CHD9: variants seen among roughly 807,000 people sequenced by gnomAD.
The protein encoded by CHD9 is ATP-dependent chromatin remodeler CHD9.
A neutral mutation model predicts 316.1 loss-of-function variants in CHD9; 77 were observed. That is an observed-to-expected ratio of 0.24 (90% CI 0.20 to 0.29). The LOEUF (loss-of-function observed/expected upper bound fraction) is 0.29. CHD9 is among the 10% of genes least tolerant of loss of function. The pLI is 1.00. For synonymous variants in CHD9, 1,129 were observed against 1,158.3 expected (o/e 0.97, Z 0.51); for missense variants, 2,763 against 3,438.1 (o/e 0.80, Z 4.91).
intron 2 of CHD9, among the ~76,000 whole-genome samples, chr16:53,166,242 T>C (rs1180453002): frequency 1.3e-5 from 2 of 152,180 alleles, no homozygotes; most frequent in Non-Finnish European, 2.9e-5. Flanking sequence ...TTGTACTGCC[T>C]GTCAGGAATC....
intron 24 of CHD9, among the ~76,000 whole-genome samples, chr16:53,277,056 G>A (rs1018261651): frequency 1.3e-5 from 2 of 152,038 alleles, no homozygotes; most frequent in Non-Finnish European, 1.5e-5. Context: ...CTTAAATCAG[G>A]AAGAATTAGA....
intron 2 of CHD9, among the ~76,000 whole-genome samples, chr16:53,181,103 C>A (rs898392981): frequency 1.3e-5 from 2 of 151,556 alleles, no homozygotes; most frequent in African/African-American, 4.9e-5. Flanking sequence ...CTCTGCCTTC[C>A]GGGTTCAAGC....
chr16:53,308,930 T>C, intron 34 of CHD9, 76 bp downstream of exon 34: 1 of 1,169,796 alleles, frequency 8.5e-7, no homozygotes, highest in Non-Finnish European at 1.2e-6. Flanking sequence ...TAGATGCTTG[T>C]AATAAAAATT....
At chr16:53,208,023 C>CA (rs1488743310) in intron 2 of CHD9, 1 of 996,382 alleles carries the variant, frequency 1.0e-6, no homozygotes, top group African/African-American at 1.7e-5. Flanking sequence ...TTTGTGCATT[C>CA]ATTTCTTTCT....
At chr16:53,263,660 A>G (rs1348730099) in intron 20 of CHD9, among the ~76,000 whole-genome samples, 1 of 152,162 alleles carries the variant, frequency 6.6e-6, no homozygotes, top group East Asian at 1.9e-4. Context: ...TCAAAATAAC[A>G]GCTAGATGAT....
intron 12 of CHD9, among the ~76,000 whole-genome samples, chr16:53,239,506 T>A (rs1022108947): frequency 1.3e-5 from 2 of 152,112 alleles, no homozygotes; most frequent in African/African-American, 4.8e-5. Flanking sequence ...TTAAAATATT[T>A]CAATAAAATC....
chr16:53,074,675 A>T (rs926894704), intron 1 of CHD9, among the ~76,000 whole-genome samples: 1 of 152,248 alleles, frequency 6.6e-6, no homozygotes, highest in Non-Finnish European at 1.5e-5. Flanking sequence ...AAGCCTTGGC[A>T]GCTTCCATGT....
chr16:53,106,578 C>T (rs576855460), intron 1 of CHD9, among the ~76,000 whole-genome samples: 87 of 152,098 alleles, frequency 5.7e-4, no homozygotes, highest in South Asian at 1.2e-3. Flanking sequence ...AAAACTGAAC[C>T]CCATCATTGT....
In CHD9 at chr16:53,152,714, A is replaced by G. The variant is rs150813676; in HGVS notation, c.-164-3212A>G. On this transcript the variant is annotated intron_variant, in intron 1 of 38. Coordinates refer to ENST00000447540, the MANE Select transcript of CHD9 (RefSeq NM_001308319.2). ...ATAGCAGGCTGTTAGTTGCCAATCA[A>G]GTGTCCAAGATGAGAAGTCAAGTAG... 3.3e-5 allele frequency among the ~76,000 whole-genome samples: 5 copies of G among 152,330 alleles called. No homozygotes were observed. In the East Asian group the frequency reaches 9.6e-4, roughly 29 times the overall value.
At chr16:53,170,611 GT>G in intron 2 of CHD9, among the ~76,000 whole-genome samples, 1 of 151,732 alleles carries the variant, frequency 6.6e-6, no homozygotes, top group Non-Finnish European at 1.5e-5. Flanking sequence ...GTGTGTGTGT[GT>G]GTGTGTGTTG....
chr16:53,267,901 A>C (rs1361710793), intron 21 of CHD9, 26 bp from the exon 22 acceptor site: 2 of 1,592,254 alleles, frequency 1.3e-6, no homozygotes, highest in South Asian at 2.2e-5. Flanking sequence ...ACTCAATATC[A>C]ATGTAACTAT....
intron 1 of CHD9, among the ~76,000 whole-genome samples, chr16:53,117,646 C>A (rs771298591): frequency 2.0e-5 from 3 of 151,906 alleles, no homozygotes; most frequent in Admixed American, 2.0e-4. Context: ...GAACTCCCGA[C>A]CTCAGGTAAT....
chr16:53,233,748 C>T (rs2048380484), intron 10 of CHD9, among the ~76,000 whole-genome samples: 2 of 152,122 alleles, frequency 1.3e-5, no homozygotes, highest in African/African-American at 4.8e-5. Context: ...TTGGGGAACC[C>T]AAGGATATCA....
Position 53,324,822 on chromosome 16 carries a change from A to G in CHD9, c.8621A>G (p.Lys2874Arg), listed in dbSNP as rs1422298688. ...NENSTDEGSE[K>R]ADASSGSDST... ...AACAGCACAGATGAGGGTTCAGAGAAAGCTGATGCTTCATCTGGATCTGAT... is the reference window on the plus strand; with the variant it reads ...AACAGCACAGATGAGGGTTCAGAGAGAGCTGATGCTTCATCTGGATCTGAT... Residue 2874 changes from lysine to arginine, a missense_variant, in exon 39 of 39, where the codon AAA becomes AGA. Transcript: ENST00000447540. 6.2e-7 allele frequency: 1 copy of G among 1,612,596 alleles called. No homozygotes were observed.
intron 1 of CHD9, among the ~76,000 whole-genome samples, chr16:53,151,968 A>G (rs1278382102): frequency 2.7e-5 from 4 of 147,484 alleles, no homozygotes; most frequent in South Asian, 2.2e-4. Context: ...CTTTCAGGGT[A>G]TGTGTGTGTG....
rs559909664 is a variant in CHD9 at position 53,283,405 on chromosome 16, T to G, written c.4968-2191T>G. ...TTTAAAAACAGAAATCAGCAACACC[T>G]AATGTGCTTATGGCACTTACATTTG... On this transcript the variant is annotated intron_variant, in intron 24 of 38. Coordinates refer to ENST00000447540, the MANE Select transcript of CHD9 (RefSeq NM_001308319.2). Among the ~76,000 whole-genome samples, 4 of 149,036 alleles carry G rather than the reference T, an allele frequency of 2.7e-5. No individual in the cohort carries two copies. In the East Asian group the frequency reaches 8.2e-4, roughly 30 times the overall value.
chr16:53,300,217 G>A (rs1336144287), intron 30 of CHD9, among the ~76,000 whole-genome samples: 1 of 152,158 alleles, frequency 6.6e-6, no homozygotes, highest in Non-Finnish European at 1.5e-5. Context: ...GCCGGGTGTA[G>A]TGGCACGCAC....
chr16:53,264,512 G>A (rs2051463627), intron 20 of CHD9, among the ~76,000 whole-genome samples: 1 of 152,122 alleles, frequency 6.6e-6, no homozygotes, highest in African/African-American at 2.4e-5. Context: ...GAAAGAGAGA[G>A]ATGCAGAATG....
At chr16:53,110,624 G>A (rs532933121) in intron 1 of CHD9, among the ~76,000 whole-genome samples, 14 of 152,184 alleles carry the variant, frequency 9.2e-5, no homozygotes, top group Middle Eastern at 3.4e-3. Context: ...TTAGCCAGGC[G>A]TGCTGGTGTG....
Sources: gnomAD v4.1 joint callset for allele counts (sites outside exome capture counted in the v4.1 genomes callset) on GRCh38, gnomAD v4.1.1 for gene constraint, MANE v1.5 for transcripts, NCBI Gene and HGNC (gene_info 2026-07-23, HGNC 2026-07-21) for gene names.